DOCK2: variants seen among roughly 807,000 people sequenced by gnomAD.
DOCK2 encodes dedicator of cytokinesis 2, also known as dedicator of cytokinesis protein 2.
DOCK2 carries 87 observed loss-of-function variants against 248.9 expected under a neutral mutation model. The observed-to-expected ratio is 0.35, with a 90% CI of 0.29 to 0.42. The LOEUF is 0.42. Among genes scored for constraint, DOCK2 ranks in the 10% least tolerant of loss-of-function variants. The pLI, the probability that DOCK2 is intolerant of heterozygous loss-of-function variation, is 1.00. For missense variants in DOCK2, 1,747 were observed against 2,300.2 expected (o/e 0.76, Z 4.92); for synonymous variants, 805 against 821.6 (o/e 0.98, Z 0.35).
At chr5:169,769,928 A>G (rs1311500389) in intron 25 of DOCK2, among the ~76,000 whole-genome samples, 1 of 152,146 alleles carries the variant, frequency 6.6e-6, no homozygotes, top group African/African-American at 2.4e-5. Context: ...TGTTTTATTT[A>G]CGTTCCTGGT....
At chr5:169,959,308 G>A (rs1014468727) in intron 27 of DOCK2, among the ~76,000 whole-genome samples, 6 of 151,740 alleles carry the variant, frequency 4.0e-5, no homozygotes, top group South Asian at 2.1e-4. Context: ...CAGGAGAATC[G>A]CTTGAACCTG....
chr5:169,732,922 A>C (rs1292786320), intron 22 of DOCK2, among the ~76,000 whole-genome samples: 1 of 152,140 alleles, frequency 6.6e-6, no homozygotes, highest in Non-Finnish European at 1.5e-5. Flanking sequence ...TCCCTGTCTT[A>C]CTGTACGGGC....
At chr5:169,649,857 GC>G (rs376651249) in intron 1 of DOCK2, among the ~76,000 whole-genome samples, 2 of 151,610 alleles carry the variant, frequency 1.3e-5, no homozygotes, top group African/African-American at 4.9e-5. Flanking sequence ...GGGCTGGAGT[GC>G]AGTGGTGTAA....
chr5:169,911,377 A>G (rs2113620134), intron 27 of DOCK2, among the ~76,000 whole-genome samples: 1 of 152,268 alleles, frequency 6.6e-6, no homozygotes, highest in African/African-American at 2.4e-5. Context: ...TATGGCGTTC[A>G]CAGGACATCA....
At chr5:169,786,409 T>A (rs1765981881) in intron 25 of DOCK2, among the ~76,000 whole-genome samples, 2 of 152,200 alleles carry the variant, frequency 1.3e-5, no homozygotes, top group Admixed American at 1.3e-4. Context: ...TGTACTCCAT[T>A]ACCAGCCAGC....
At chr5:169,800,966 T>TTTTTTTTG (rs1766939445) in intron 25 of DOCK2, among the ~76,000 whole-genome samples, 4 of 107,944 alleles carry the variant, frequency 3.7e-5, no homozygotes, top group African/African-American at 1.4e-4. Context: ...TTTTTTTTTT[T>TTTTTTTTG]TTTTTTTGAG....
intron 25 of DOCK2, among the ~76,000 whole-genome samples, chr5:169,799,287 TTATC>T (rs1348649671): frequency 2.0e-5 from 3 of 152,250 alleles, no homozygotes; most frequent in Non-Finnish European, 4.4e-5. Flanking sequence ...CTTTACCACT[TTATC>T]TAACTTAGTA....
intron 27 of DOCK2, among the ~76,000 whole-genome samples, chr5:169,939,151 A>G (rs1178705604): frequency 6.7e-5 from 10 of 150,062 alleles, no homozygotes; most frequent in East Asian, 2.0e-4. Flanking sequence ...TGATCCGCCC[A>G]CCTCAGCCTC....
intron 27 of DOCK2, among the ~76,000 whole-genome samples, chr5:169,921,998 C>T (rs1775200793): frequency 6.6e-6 from 1 of 152,182 alleles, no homozygotes. Flanking sequence ...ATCCCATGTA[C>T]ATCCTGGTCC....
chr5:170,055,413 A>G lies in DOCK2; in HGVS notation c.4295+27A>G, dbSNP rs1255842072. Reference sequence around the variant, plus strand: ...TAAGACTCGTTGTCCACAGGGAAGAAGGATGGGGAAGAGAACCCATTGGGG... The same window carrying G: ...TAAGACTCGTTGTCCACAGGGAAGAGGGATGGGGAAGAGAACCCATTGGGG... On this transcript the variant is annotated intron_variant, in intron 42 of 51. Coordinates refer to ENST00000520908, the MANE Select transcript of DOCK2 (RefSeq NM_004946.3). 4.3e-6 allele frequency: 7 copies of G among 1,610,124 alleles called. No individual in the cohort carries two copies. In the South Asian group the frequency reaches 4.4e-5, roughly 10 times the overall value.
At chr5:169,857,732 C>T (rs1051921896) in intron 27 of DOCK2, among the ~76,000 whole-genome samples, 2 of 125,268 alleles carry the variant, frequency 1.6e-5, no homozygotes, top group African/African-American at 3.0e-5. Context: ...GGGAACAAAA[C>T]TAAAAAAAAA....
chr5:169,812,367 C>T (rs1231839025), intron 26 of DOCK2, among the ~76,000 whole-genome samples: 1 of 152,176 alleles, frequency 6.6e-6, no homozygotes. Flanking sequence ...TGTCTAGTTG[C>T]AGGAATACAA....
intron 25 of DOCK2, among the ~76,000 whole-genome samples, chr5:169,790,928 G>A (rs1378836163): frequency 6.6e-6 from 1 of 152,128 alleles, no homozygotes; most frequent in African/African-American, 2.4e-5. Flanking sequence ...CTATGATTAG[G>A]TAAAACGGCT....
At chr5:169,652,755 G>GT (rs1757875359) in intron 1 of DOCK2, among the ~76,000 whole-genome samples, 1 of 152,164 alleles carries the variant, frequency 6.6e-6, no homozygotes, top group African/African-American at 2.4e-5. Context: ...GAGAGGGAAG[G>GT]AAGGGAAGGA....
chr5:169,994,799 C>T (rs1258403626), intron 29 of DOCK2, among the ~76,000 whole-genome samples: 3 of 152,036 alleles, frequency 2.0e-5, no homozygotes. Context: ...TTGGACTCAC[C>T]CTGTAGGCAG....
chr5:170,043,200 C>T (rs896186862), intron 38 of DOCK2, among the ~76,000 whole-genome samples: 1 of 152,192 alleles, frequency 6.6e-6, no homozygotes, highest in African/African-American at 2.4e-5. Context: ...GGCCCATCTG[C>T]AATCCTTGCT....
At chr5:169,842,087 T>A (rs752306009) in intron 27 of DOCK2, among the ~76,000 whole-genome samples, 3 of 152,210 alleles carry the variant, frequency 2.0e-5, no homozygotes, top group Non-Finnish European at 4.4e-5. Flanking sequence ...AACTGAAAAT[T>A]TCCATGTTTT....
At chr5:169,863,951 G>T (rs1771368721) in intron 27 of DOCK2, among the ~76,000 whole-genome samples, 2 of 152,190 alleles carry the variant, frequency 1.3e-5, no homozygotes, top group African/African-American at 4.8e-5. Context: ...GGTGTTGGAA[G>T]GTGTAGTGTG....
intron 34 of DOCK2, 61 bp from the exon 35 acceptor site, chr5:170,034,338 T>G: frequency 6.3e-7 from 1 of 1,592,042 alleles, no homozygotes; most frequent in Non-Finnish European, 8.6e-7. Context: ...CACCGCCCAC[T>G]GGCCCCAGCA....
Sources: gnomAD v4.1 joint callset for allele counts (sites outside exome capture counted in the v4.1 genomes callset) on GRCh38, gnomAD v4.1.1 for gene constraint, MANE v1.5 for transcripts, NCBI Gene and HGNC (gene_info 2026-07-23, HGNC 2026-07-21) for gene names.